SPECC1L: variants seen among roughly 807,000 people sequenced by gnomAD.
SPECC1L encodes the protein cytospin-A.
In SPECC1L, 40 loss-of-function variants were observed where a neutral mutation model predicts 116.8. The observed-to-expected ratio is 0.34, with a 90% CI of 0.27 to 0.45. SPECC1L has a LOEUF of 0.45. Among genes scored for constraint, SPECC1L ranks in the 20% least tolerant of loss-of-function variants. The pLI is 1.00. For missense variants in SPECC1L, 1,110 were observed against 1,373.6 expected, an observed-to-expected ratio of 0.81 and a Z score of 3.03; for synonymous variants, 504 against 500.6, an observed-to-expected ratio of 1.01 and a Z score of -0.09.
Position 24,345,446 on chromosome 22 carries a change from TA to T in SPECC1L, c.2653-1637del, listed in dbSNP as rs201843154. Among the ~76,000 whole-genome samples the T allele has an allele frequency of 9.3e-3, 1,412 of 152,282 alleles. 72 individuals carry two copies. The highest frequency in any genetic ancestry group is 0.083 in the Admixed American group (1,262 of 15,282). ...AGCATGAACTATAAAAGCAAGTTGA[TA>T]AATTAGGCAACTTAAAACTTAAAAC... On this transcript the variant is annotated intron_variant, in intron 10 of 16. Coordinates refer to ENST00000314328, the MANE Select transcript of SPECC1L (RefSeq NM_015330.6).
At chr22:24,385,355 C>T (rs1281408933) in intron 14 of SPECC1L, among the ~76,000 whole-genome samples, 2 of 151,962 alleles carry the variant, frequency 1.3e-5, no homozygotes, top group African/African-American at 4.8e-5. Context: ...GATGTAAATC[C>T]ATATATGTAA....
intron 3 of SPECC1L, among the ~76,000 whole-genome samples, chr22:24,306,822 C>T (rs528049514): frequency 3.0e-4 from 46 of 152,180 alleles, no homozygotes; most frequent in Non-Finnish European, 6.3e-4. Flanking sequence ...CCTCTTCTCT[C>T]CAGCGCCTGA....
chr22:24,273,645 GTT>G (rs1464930020), intron 1 of SPECC1L, among the ~76,000 whole-genome samples: 2 of 152,186 alleles, frequency 1.3e-5, no homozygotes, highest in Admixed American at 1.3e-4. Context: ...GTAAATATGA[GTT>G]TATTTTGAGA....
rs1435678457 is a variant in SPECC1L at position 24,270,837 on chromosome 22, G to A, written c.-288G>A. ...GGGGCTGGCCAAGGGCGGGGCCCGC[G>A]AGGGAGGCCGGGCGGCCCGGCAAGC... On this transcript the variant is annotated 5_prime_UTR_variant, in exon 1 of 17. Transcript: ENST00000314328. The A allele has an allele frequency of 6.6e-6, 1 of 152,402 alleles. No individual in the cohort carries two copies. Among genetic ancestry groups the A allele is most frequent in the Non-Finnish European group, 1.5e-5 (1 of 68,220 alleles). The allele number at this position is 152,402 out of a possible 1,614,324, so 9.4% of individuals were successfully genotyped here.
intron 10 of SPECC1L, among the ~76,000 whole-genome samples, chr22:24,338,794 T>G (rs969751270): frequency 9.8e-5 from 15 of 152,332 alleles, no homozygotes; most frequent in African/African-American, 3.6e-4. Flanking sequence ...TAGGTACTGT[T>G]CTTATCTGTA....
intron 2 of SPECC1L, among the ~76,000 whole-genome samples, chr22:24,280,839 G>C (rs572468148): frequency 6.6e-6 from 1 of 152,018 alleles, no homozygotes; most frequent in African/African-American, 2.4e-5. Flanking sequence ...CACCCTACTC[G>C]GCCACCGAAA....
intron 4 of SPECC1L, among the ~76,000 whole-genome samples, chr22:24,317,338 C>G: frequency 9.0e-6 from 1 of 111,728 alleles, no homozygotes; most frequent in East Asian, 2.9e-4. Context: ...CCCTCCCGGA[C>G]GGGGCGGCTG....
At chr22:24,304,513 TTTGTATGC>T (rs1440863618) in intron 3 of SPECC1L, 4 of 152,372 alleles carry the variant, frequency 2.6e-5, no homozygotes, top group Admixed American at 6.5e-5. Context: ...GCTTGCAGCC[TTTGTATGC>T]TTAATTCTCC....
At chr22:24,317,569 C>T (rs1231229417) in intron 4 of SPECC1L, among the ~76,000 whole-genome samples, 4 of 142,968 alleles carry the variant, frequency 2.8e-5, no homozygotes, top group African/African-American at 1.0e-4. Context: ...CGGGCAGAGG[C>T]GCCCCTCGCC....
intron 2 of SPECC1L, among the ~76,000 whole-genome samples, chr22:24,289,241 CTGGCAGTTTGAACTT>C (rs2049110414): frequency 6.6e-6 from 1 of 152,136 alleles, no homozygotes; most frequent in Admixed American, 6.5e-5. Flanking sequence ...TTTTTGCATT[CTGGCAGTTTGAACTT>C]TGGGAACGAA....
chr22:24,411,117 A>G (rs2042687980), intron 14 of SPECC1L, among the ~76,000 whole-genome samples: 1 of 151,980 alleles, frequency 6.6e-6, no homozygotes, highest in Admixed American at 6.6e-5. Flanking sequence ...TGAACCCGGG[A>G]GGTAGAGGTT....
chr22:24,391,771 T>A (rs2042278458), intron 14 of SPECC1L, among the ~76,000 whole-genome samples: 1 of 152,204 alleles, frequency 6.6e-6, no homozygotes, highest in Non-Finnish European at 1.5e-5. Context: ...GCAGTTTGAA[T>A]GGAACTCTAC....
intron 1 of SPECC1L, among the ~76,000 whole-genome samples, chr22:24,272,095 AC>A (rs2048738399): frequency 1.3e-5 from 2 of 152,140 alleles, no homozygotes; most frequent in South Asian, 4.1e-4. Context: ...GTAATTAAAA[AC>A]CAGGCCAGGC....
At chr22:24,401,590 G>C (rs1389190956) in intron 14 of SPECC1L, among the ~76,000 whole-genome samples, 1 of 152,216 alleles carries the variant, frequency 6.6e-6, no homozygotes, top group Non-Finnish European at 1.5e-5. Context: ...AGTTCTATCA[G>C]GTGCTTGTTC....
intron 14 of SPECC1L, among the ~76,000 whole-genome samples, chr22:24,403,226 T>G (rs2042514445): frequency 6.6e-6 from 1 of 152,208 alleles, no homozygotes; most frequent in South Asian, 2.1e-4. Context: ...TGAAAGTTTC[T>G]TCTGGCACAT....
At chr22:24,393,649 C>T (rs2042312532) in intron 14 of SPECC1L, among the ~76,000 whole-genome samples, 1 of 152,028 alleles carries the variant, frequency 6.6e-6, no homozygotes, top group African/African-American at 2.4e-5. Flanking sequence ...CCTTGGGCTT[C>T]CTTTTTTTTA....
intron 3 of SPECC1L, among the ~76,000 whole-genome samples, chr22:24,305,001 T>C (rs1159151934): frequency 6.6e-6 from 1 of 152,214 alleles, no homozygotes; most frequent in African/African-American, 2.4e-5. Flanking sequence ...CCATTTCATG[T>C]TTTTAGACTT....
At position 24,330,436 on chromosome 22, in the gene SPECC1L, G is replaced by A. The variant is rs2040915078; in HGVS notation, c.2396+5G>A. On this transcript the variant is annotated splice_donor_5th_base_variant and intron_variant, in intron 8 of 16. Transcript: ENST00000314328. The stretch of plus-strand genomic sequence containing the variant: ...GGAGGAAATAAAGTCACGCAAGTAA[G>A]TTCTGAGAAACCTGTTGTGTACTTA... 1.2e-6 allele frequency: 2 copies of A among 1,613,998 alleles called. No individual in the cohort carries two copies. Among genetic ancestry groups the A allele is most frequent in the Non-Finnish European group, 1.7e-6 (2 of 1,180,008 alleles).
At chr22:24,410,700 A>G (rs1375047808) in intron 14 of SPECC1L, among the ~76,000 whole-genome samples, 1 of 152,132 alleles carries the variant, frequency 6.6e-6, no homozygotes, top group Non-Finnish European at 1.5e-5. Context: ...GCCTGGACCA[A>G]TGCTCAGGGG....
Sources: allele counts gnomAD v4.1 joint callset (sites outside exome capture counted in the v4.1 genomes callset), GRCh38; gene constraint gnomAD v4.1.1; transcripts MANE v1.5; gene names NCBI Gene and HGNC (gene_info 2026-07-23, HGNC 2026-07-21).